Variants in PDGFRL observed in about 807,000 individuals in gnomAD.
The protein encoded by PDGFRL is platelet-derived growth factor receptor-like protein.
PDGFRL carries 46 observed loss-of-function variants against 37.2 expected under a neutral mutation model. The ratio of observed to expected loss-of-function variants is 1.24; its 90% CI spans 0.98 to 1.58. The LOEUF is 1.58. Ranked by LOEUF, PDGFRL falls within the 40% of genes most tolerant of loss-of-function variation. The pLI is 0.00. For missense variants in PDGFRL, 692 were observed against 467.6 expected (o/e 1.48, Z -4.43); for synonymous variants, 251 against 184.3 (o/e 1.36, Z -2.93).
Position 17,582,639 on chromosome 8 carries a change from C to G in PDGFRL, c.55+5332C>G, listed in dbSNP as rs573184341. ...TCAATTACAGCAGCAAAGGAATGAC[C>G]TAAAGGTAGAATTTATTATGAAAAG... On this transcript the variant is annotated intron_variant, in intron 1 of 5. Coordinates refer to ENST00000251630, the MANE Select transcript of PDGFRL (RefSeq NM_001372073.1). 4.0e-3 allele frequency among the ~76,000 whole-genome samples: 602 copies of G among 150,608 alleles called. 8 individuals carry two copies. The highest frequency in any genetic ancestry group is 0.014 in the African/African-American group (587 of 40,986).
chr8:17,585,726 C>A (rs1803800832), intron 1 of PDGFRL, among the ~76,000 whole-genome samples: 1 of 152,078 alleles, frequency 6.6e-6, no homozygotes, highest in African/African-American at 2.4e-5. Context: ...AATGACTGTG[C>A]TTAACAAGAA....
chr8:17,593,724 G>A (rs112119422), intron 2 of PDGFRL, among the ~76,000 whole-genome samples: 129,844 of 151,630 alleles, frequency 0.86, 57,555 homozygotes, highest in Non-Finnish European at 0.97. Flanking sequence ...GCGAAACCCC[G>A]TCTCTACTAA....
chr8:17,577,992 C>G (rs1188428355), intron 1 of PDGFRL, among the ~76,000 whole-genome samples: 1 of 151,870 alleles, frequency 6.6e-6, no homozygotes, highest in East Asian at 2.0e-4. Context: ...GAATGTGTAC[C>G]TGTCCTGGGT....
chr8:17,592,865 TTGAC>T (rs1349071698), intron 2 of PDGFRL, among the ~76,000 whole-genome samples: 45 of 152,148 alleles, frequency 3.0e-4, no homozygotes, highest in Admixed American at 1.6e-3. Flanking sequence ...CTATTAATGT[TTGAC>T]TGACAAGCCT....
upstream of PDGFRL, chr8:17,577,096 A>AAAAAAAAAAAT (rs1803600086): frequency 3.2e-6 from 3 of 936,860 alleles, no homozygotes; most frequent in East Asian, 2.9e-5. Context: ...AAAAAAAAAA[A>AAAAAAAAAAAT]TTCCCCAACT....
chr8:17,626,769 AC>A (rs1257993298), intron 3 of PDGFRL, among the ~76,000 whole-genome samples: 2 of 151,882 alleles, frequency 1.3e-5, no homozygotes, highest in Non-Finnish European at 2.9e-5. Flanking sequence ...CAACAAAAAT[AC>A]CCCCAAAAGC....
chr8:17,595,912 A>C (rs779150639), intron 2 of PDGFRL, among the ~76,000 whole-genome samples: 4 of 152,172 alleles, frequency 2.6e-5, no homozygotes, highest in Non-Finnish European at 5.9e-5. Context: ...TGGGTAGTCA[A>C]CCCAAGGTGA....
At chr8:17,624,753 C>T (rs34233042) in intron 3 of PDGFRL, among the ~76,000 whole-genome samples, 5,738 of 152,102 alleles carry the variant, frequency 0.038, 126 homozygotes, top group Non-Finnish European at 0.051. Context: ...TACTAAAATG[C>T]AAAAATTAGG....
intron 2 of PDGFRL, among the ~76,000 whole-genome samples, chr8:17,609,368 G>A (rs190158906): frequency 1.2e-3 from 179 of 152,046 alleles, no homozygotes; most frequent in African/African-American, 4.0e-3. Context: ...TTAGCCAGGT[G>A]TGGTAGTGGG....
intron 2 of PDGFRL, among the ~76,000 whole-genome samples, chr8:17,611,711 G>C (rs754290540): frequency 1.3e-5 from 2 of 152,202 alleles, no homozygotes; most frequent in African/African-American, 2.4e-5. Flanking sequence ...GTGCAATTCT[G>C]TGTGCAATGG....
In PDGFRL at chr8:17,628,779, G is replaced by A; in HGVS notation, c.798G>A (p.Ala266=). ...TCAAGTACCAGCTGCTCTATGTGGCGGGTAAGCCTGGCCACCCCTGCCTAG... is the reference window on the plus strand; with the variant it reads ...TCAAGTACCAGCTGCTCTATGTGGCAGGTAAGCCTGGCCACCCCTGCCTAG... ...ISVKYQLLYV[A]VPSGPPSTTI... Residue 266 remains alanine (A), a splice_region_variant and synonymous_variant, in exon 4 of 6, where the codon GCG becomes GCA. Coordinates refer to ENST00000251630, the MANE Select transcript of PDGFRL (RefSeq NM_001372073.1). 9 of 1,609,970 alleles carry A rather than the reference G, an allele frequency of 5.6e-6. No individual in the cohort carries two copies. The highest frequency in any genetic ancestry group is 1.1e-5 in the South Asian group (1 of 90,900).
At chr8:17,642,467 C>T (rs369899761) in intron 5 of PDGFRL, 146 bp from the exon 6 acceptor site, 26 of 617,498 alleles carry the variant, frequency 4.2e-5, no homozygotes, top group East Asian at 1.7e-4. Context: ...GAAGCTTCCA[C>T]AGCTTATGAG....
At chr8:17,595,281 T>C (rs2517154) in intron 2 of PDGFRL, among the ~76,000 whole-genome samples, 128,469 of 151,900 alleles carry the variant, frequency 0.85, 56,484 homozygotes, top group Non-Finnish European at 0.96. Flanking sequence ...CCTCAACCAT[T>C]AGCCTGGCGT....
At chr8:17,596,133 G>T (rs1804047563) in intron 2 of PDGFRL, among the ~76,000 whole-genome samples, 1 of 152,208 alleles carries the variant, frequency 6.6e-6, no homozygotes, top group Non-Finnish European at 1.5e-5. Context: ...CCCTTGCTGG[G>T]GGACCTGGGC....
chr8:17,587,377 T>C (rs535508655), intron 1 of PDGFRL, among the ~76,000 whole-genome samples: 1 of 152,314 alleles, frequency 6.6e-6, no homozygotes, highest in South Asian at 2.1e-4. Flanking sequence ...CTAAATTCCA[T>C]AGGATTTACA....
At chr8:17,599,063 A>G (rs1804112200) in intron 2 of PDGFRL, among the ~76,000 whole-genome samples, 1 of 152,174 alleles carries the variant, frequency 6.6e-6, no homozygotes, top group African/African-American at 2.4e-5. Flanking sequence ...GACCTCATAG[A>G]GCCGTTAGTC....
At chr8:17,632,362 CAG>C (rs992877039) in intron 4 of PDGFRL, among the ~76,000 whole-genome samples, 4 of 150,394 alleles carry the variant, frequency 2.7e-5, no homozygotes, top group Admixed American at 1.3e-4. Context: ...TTTTTTAATA[CAG>C]AGTCTTGGCT....
chr8:17,606,563 C>T (rs1804281662), intron 2 of PDGFRL, among the ~76,000 whole-genome samples: 1 of 152,230 alleles, frequency 6.6e-6, no homozygotes, highest in Non-Finnish European at 1.5e-5. Context: ...TCCAGACTCA[C>T]TGGCACCAGC....
chr8:17,621,247 C>T (rs148378723), intron 3 of PDGFRL, 45 bp downstream of exon 3: 28 of 1,420,936 alleles, frequency 2.0e-5, no homozygotes, highest in South Asian at 1.2e-4. Flanking sequence ...ACTTCTGGAC[C>T]GGGCTGAGAG....
Sources: gnomAD v4.1 joint callset for allele counts (sites outside exome capture counted in the v4.1 genomes callset) on GRCh38, gnomAD v4.1.1 for gene constraint, MANE v1.5 for transcripts, NCBI Gene and HGNC (gene_info 2026-07-23, HGNC 2026-07-21) for gene names.